L3MBTL3: variants seen among roughly 807,000 people sequenced by gnomAD.
L3MBTL3 encodes the protein L3MBTL histone methyl-lysine binding protein 3.
A neutral mutation model predicts 102.3 loss-of-function variants in L3MBTL3; 27 were observed. That is an observed-to-expected ratio of 0.26 (90% CI 0.19 to 0.36). The LOEUF (loss-of-function observed/expected upper bound fraction) is 0.36, where lower values mean the gene tolerates loss of function less well. L3MBTL3 is among the 10% of genes least tolerant of loss of function. The pLI, the probability that L3MBTL3 is intolerant of heterozygous loss-of-function variation, is 1.00. For synonymous variants in L3MBTL3, 340 were observed against 320.9 expected (o/e 1.06, Z -0.64); for missense variants, 798 against 955.3 (o/e 0.84, Z 2.17).
At chr6:130,033,425 T>A (rs930974875) in intron 2 of L3MBTL3, among the ~76,000 whole-genome samples, 2 of 152,234 alleles carry the variant, frequency 1.3e-5, no homozygotes, top group Non-Finnish European at 2.9e-5. Flanking sequence ...ATAGTAGGCA[T>A]CATAGCAACA....
At chr6:130,065,208 T>C (rs551653177) in intron 10 of L3MBTL3, among the ~76,000 whole-genome samples, 9 of 152,324 alleles carry the variant, frequency 5.9e-5, no homozygotes, top group African/African-American at 2.2e-4. Flanking sequence ...GCCCCTTCCT[T>C]TTCACTACCA....
At position 130,133,993 on chromosome 6, in the gene L3MBTL3, A is replaced by G. The variant is rs1582654336; in HGVS notation, c.2199+88A>G. The G allele has an allele frequency of 4.0e-5, 40 of 1,000,884 alleles. 4 individuals are homozygous for G. In the South Asian group the frequency reaches 5.0e-4, roughly 12 times the overall value. 62.0% of individuals were successfully genotyped at this position (1,000,884 alleles called of 1,614,324 possible). On this transcript the variant is annotated intron_variant, in intron 22 of 22. Coordinates refer to ENST00000361794, the MANE Select transcript of L3MBTL3 (RefSeq NM_032438.4). The surrounding 1 kb of genome is among the most constrained non-coding windows in gnomAD (Gnocchi z 4.9). ...AAGGTGAAATGTGTGGAATTGGCAG[A>G]GTCAAAAAGAGATGGGGTGTGTTGA...
chr6:130,092,921 T>G, intron 17 of L3MBTL3, 62 bp downstream of exon 17: 1 of 1,040,266 alleles, frequency 9.6e-7, no homozygotes, highest in South Asian at 1.3e-5. Flanking sequence ...TCTTAAGATT[T>G]CATCCTTAGC....
At chr6:130,094,034 G>T (rs1784209070) in intron 17 of L3MBTL3, among the ~76,000 whole-genome samples, 2 of 152,162 alleles carry the variant, frequency 1.3e-5, no homozygotes, top group Admixed American at 1.3e-4. Flanking sequence ...TCATTTCATT[G>T]TTGAAGAAAG....
At chr6:130,035,422 GGT>G (rs1779996527) in intron 2 of L3MBTL3, among the ~76,000 whole-genome samples, 1 of 152,172 alleles carries the variant, frequency 6.6e-6, no homozygotes, top group African/African-American at 2.4e-5. Context: ...GATGAGGAGT[GGT>G]GTAGGAGAGA....
At chr6:130,047,921 A>T (rs927748565) in intron 3 of L3MBTL3, among the ~76,000 whole-genome samples, 1 of 152,186 alleles carries the variant, frequency 6.6e-6, no homozygotes, top group African/African-American at 2.4e-5. Context: ...TGGTATACAC[A>T]CTTGGTATAG....
At chr6:130,048,890 C>T (rs1396264730) in intron 3 of L3MBTL3, among the ~76,000 whole-genome samples, 1 of 149,896 alleles carries the variant, frequency 6.7e-6, no homozygotes, top group Non-Finnish European at 1.5e-5. Context: ...TTTTACTAAA[C>T]GTGATTTTTA....
In L3MBTL3 at chr6:130,075,169, G is replaced by T. The variant is rs540068729; in HGVS notation, c.1245-3389G>T. On this transcript the variant is annotated intron_variant, in intron 13 of 22. Coordinates refer to ENST00000361794, the MANE Select transcript of L3MBTL3 (RefSeq NM_032438.4). ...TCTGGGGGGCTCATGGTCTGGGGAA[G>T]GAGAGAAACTAAACACCACTGTCTT... 2.0e-5 allele frequency among the ~76,000 whole-genome samples: 3 copies of T among 152,238 alleles called. No individual in the cohort carries two copies. The South Asian group carries it at 6.2e-4, about 32-fold the overall frequency.
At chr6:130,129,951 A>T (rs1741343813) in intron 20 of L3MBTL3, among the ~76,000 whole-genome samples, 1 of 152,234 alleles carries the variant, frequency 6.6e-6, no homozygotes, top group African/African-American at 2.4e-5. Context: ...ATTTGCTCAA[A>T]TGAAGCTGCT....
intron 13 of L3MBTL3, among the ~76,000 whole-genome samples, chr6:130,074,095 G>T (rs12528442): frequency 0.1 from 15,590 of 152,162 alleles, 1,043 homozygotes; most frequent in African/African-American, 0.17. Context: ...TGTAATTGAG[G>T]TTACAGATTG....
chr6:130,075,215 G>A (rs989711202), intron 13 of L3MBTL3, among the ~76,000 whole-genome samples: 1 of 152,088 alleles, frequency 6.6e-6, no homozygotes, highest in Admixed American at 6.5e-5. Flanking sequence ...CTAGATGGTG[G>A]TTATTGCTTA....
chr6:130,103,363 T>G (rs1032582541), intron 18 of L3MBTL3, among the ~76,000 whole-genome samples: 1 of 152,252 alleles, frequency 6.6e-6, no homozygotes, highest in Admixed American at 6.5e-5. Flanking sequence ...GTGATATATC[T>G]TATAGGCCAT....
chr6:130,061,139 C>T (rs1781874352), intron 10 of L3MBTL3, among the ~76,000 whole-genome samples: 1 of 141,938 alleles, frequency 7.0e-6, no homozygotes, highest in African/African-American at 2.6e-5. Flanking sequence ...GGCTGGAGTG[C>T]AGTGGTGTAA....
intron 3 of L3MBTL3, among the ~76,000 whole-genome samples, chr6:130,046,288 A>G (rs1780721219): frequency 6.6e-6 from 1 of 152,052 alleles, no homozygotes; most frequent in African/African-American, 2.4e-5. Flanking sequence ...AATTCACCGC[A>G]CTCTTAATAC....
chr6:130,076,277 T>C (rs986755915), intron 13 of L3MBTL3, among the ~76,000 whole-genome samples: 6 of 152,208 alleles, frequency 3.9e-5, no homozygotes, highest in African/African-American at 1.4e-4. Flanking sequence ...CCTTTGACTC[T>C]GGCTGAAACT....
intron 10 of L3MBTL3, among the ~76,000 whole-genome samples, chr6:130,061,914 A>G (rs1428356185): frequency 2.0e-5 from 3 of 152,152 alleles, no homozygotes; most frequent in Non-Finnish European, 4.4e-5. Flanking sequence ...TAAGTGGGGA[A>G]GAAGCAGCAG....
At chr6:130,037,902 C>G (rs1044539355) in intron 2 of L3MBTL3, among the ~76,000 whole-genome samples, 1 of 152,090 alleles carries the variant, frequency 6.6e-6, no homozygotes, top group Admixed American at 6.5e-5. Context: ...TAGTTTTATA[C>G]CAGTTAATCA....
intron 18 of L3MBTL3, among the ~76,000 whole-genome samples, chr6:130,100,535 C>T (rs1190433481): frequency 6.6e-6 from 1 of 152,024 alleles, no homozygotes; most frequent in South Asian, 2.1e-4. Context: ...TGATAGGCTA[C>T]CCTTGGTAGA....
At chr6:130,039,568 G>C (rs768677104) in intron 2 of L3MBTL3, among the ~76,000 whole-genome samples, 1 of 150,850 alleles carries the variant, frequency 6.6e-6, no homozygotes, top group Non-Finnish European at 1.5e-5. Flanking sequence ...TCTAAAAATG[G>C]TTGAAAGCTC....
Sources: gnomAD v4.1 joint callset for allele counts (sites outside exome capture counted in the v4.1 genomes callset) on GRCh38, gnomAD v4.1.1 for gene constraint, Gnocchi (gnomAD v3.1) non-coding constraint, MANE v1.5 for transcripts, NCBI Gene and HGNC (gene_info 2026-07-23, HGNC 2026-07-21) for gene names.